The following CPNE8 variants were observed in gnomAD, a reference collection of about 807,000 sequenced individuals.
The protein encoded by CPNE8 is copine-8.
In CPNE8, 45 loss-of-function variants were observed where a neutral mutation model predicts 81.5. That is an observed-to-expected ratio of 0.55 (90% CI 0.44 to 0.71). The LOEUF is 0.71. CPNE8 is among the 30% of genes least tolerant of loss of function. The pLI is 0.00. For synonymous variants in CPNE8, 252 were observed against 226.3 expected (o/e 1.11, Z -1.02); for missense variants, 594 against 672.1 (o/e 0.88, Z 1.28).
chr12:38,675,822 T>G (rs1467209247), intron 17 of CPNE8, 48 bp from the exon 18 acceptor site: 1 of 1,232,810 alleles, frequency 8.1e-7, no homozygotes, highest in Non-Finnish European at 1.2e-6. Context: ...ATTGAGTTCT[T>G]AAGAAAATAA....
intron 4 of CPNE8, 52 bp from the exon 5 acceptor site, chr12:38,840,007 A>C: frequency 6.7e-7 from 1 of 1,491,692 alleles, no homozygotes; most frequent in Non-Finnish European, 9.1e-7. Flanking sequence ...TACAGCTAGA[A>C]AAAAAACCAG....
At chr12:38,709,451 T>C (rs1217358279) in intron 13 of CPNE8, among the ~76,000 whole-genome samples, 1 of 152,204 alleles carries the variant, frequency 6.6e-6, no homozygotes, top group Non-Finnish European at 1.5e-5. Context: ...GATGCACAAA[T>C]GCAAATTCAG....
chr12:38,872,126 ACT>A (rs1565656573), intron 3 of CPNE8, among the ~76,000 whole-genome samples: 1 of 151,994 alleles, frequency 6.6e-6, no homozygotes, highest in Non-Finnish European at 1.5e-5. Flanking sequence ...TAAGAGTGAA[ACT>A]CTGTCTCAAA....
At chr12:38,806,658 C>A (rs1408825849) in intron 6 of CPNE8, among the ~76,000 whole-genome samples, 2 of 141,502 alleles carry the variant, frequency 1.4e-5, no homozygotes, top group East Asian at 2.7e-4. Context: ...ACTGAATGGG[C>A]AAAAACTAGA....
At chr12:38,753,101 T>TG (rs1941385328) in intron 10 of CPNE8, among the ~76,000 whole-genome samples, 2 of 152,194 alleles carry the variant, frequency 1.3e-5, no homozygotes, top group African/African-American at 2.4e-5. Context: ...GGTAATTTCA[T>TG]AATTTAAAAT....
chr12:38,869,436 G>T (rs1048977902), intron 3 of CPNE8, among the ~76,000 whole-genome samples: 13 of 152,136 alleles, frequency 8.5e-5, no homozygotes, highest in Non-Finnish European at 1.9e-4. Flanking sequence ...TGTTACAAAT[G>T]AGGAAACAGA....
chr12:38,793,204 A>G (rs1280057196), intron 6 of CPNE8, among the ~76,000 whole-genome samples: 1 of 144,270 alleles, frequency 6.9e-6, no homozygotes, highest in Non-Finnish European at 1.5e-5. Flanking sequence ...ATTCAACATA[A>G]TACTGTATGT....
chr12:38,851,644 C>T (rs1943648186), intron 3 of CPNE8, among the ~76,000 whole-genome samples: 1 of 152,214 alleles, frequency 6.6e-6, no homozygotes, highest in South Asian at 2.1e-4. Flanking sequence ...TCCTAACTTA[C>T]ATTTCTGCTT....
intron 1 of CPNE8, among the ~76,000 whole-genome samples, chr12:38,884,370 C>T (rs1188996635): frequency 6.6e-6 from 1 of 152,172 alleles, no homozygotes; most frequent in African/African-American, 2.4e-5. Context: ...TAGTATCTGT[C>T]AGTACTTCAT....
chr12:38,781,947 T>A (rs941158222), intron 6 of CPNE8, among the ~76,000 whole-genome samples: 6 of 152,024 alleles, frequency 3.9e-5, no homozygotes, highest in Non-Finnish European at 7.4e-5. Flanking sequence ...TTGTAACATA[T>A]CAGATCAAAA....
intron 5 of CPNE8, among the ~76,000 whole-genome samples, chr12:38,831,179 A>G (rs1314362175): frequency 6.6e-6 from 1 of 152,118 alleles, no homozygotes; most frequent in Non-Finnish European, 1.5e-5. Context: ...GAACAGAGTT[A>G]CAGGCCAGAG....
At chr12:38,785,640 A>G (rs2136915609) in intron 6 of CPNE8, among the ~76,000 whole-genome samples, 1 of 152,296 alleles carries the variant, frequency 6.6e-6, no homozygotes, top group Middle Eastern at 3.4e-3. Context: ...GCCACGTGGA[A>G]CTATGAGTCA....
chr12:38,902,361 AAAGAAAG>A lies in CPNE8; in HGVS notation c.98+3069_98+3075del, dbSNP rs1372696969. Among the ~76,000 whole-genome samples, 143 of 91,298 alleles carry A rather than the reference AAAGAAAG, an allele frequency of 1.6e-3. 1 individual carries two copies. Among genetic ancestry groups the A allele is most frequent in the East Asian group, 6.3e-3 (20 of 3,164 alleles). 59.9% of individuals were successfully genotyped at this position (91,298 alleles called of 152,430 possible). ...GAAAGAAAGAAAGAAAGAAAGAAAG[AAAGAAAG>A]AAAGAAAGAAAGAAAAGAAAGAAAG... On this transcript the variant is annotated intron_variant, in intron 1 of 19. Transcript: ENST00000331366.
chr12:38,691,181 G>T (rs1476338088), intron 15 of CPNE8, among the ~76,000 whole-genome samples: 1 of 152,136 alleles, frequency 6.6e-6, no homozygotes, highest in Non-Finnish European at 1.5e-5. Context: ...ATAAGATGGG[G>T]TTTAGCTGTA....
chr12:38,858,080 A>G (rs909203813), intron 3 of CPNE8, among the ~76,000 whole-genome samples: 1 of 152,256 alleles, frequency 6.6e-6, no homozygotes, highest in African/African-American at 2.4e-5. Flanking sequence ...TGCCTTTCTC[A>G]AGAACATAGG....
At chr12:38,742,630 T>C (rs944062683) in intron 10 of CPNE8, among the ~76,000 whole-genome samples, 2 of 150,766 alleles carry the variant, frequency 1.3e-5, no homozygotes, top group Non-Finnish European at 3.0e-5. Context: ...TATAAATATA[T>C]AACAAACCTG....
At chr12:38,708,892 G>A (rs1194758960) in intron 13 of CPNE8, among the ~76,000 whole-genome samples, 3 of 152,156 alleles carry the variant, frequency 2.0e-5, no homozygotes, top group Non-Finnish European at 4.4e-5. Flanking sequence ...ATAGGGATGT[G>A]CAGAAGGCTT....
chr12:38,799,189 C>A (rs1040675435), intron 6 of CPNE8, among the ~76,000 whole-genome samples: 4 of 152,188 alleles, frequency 2.6e-5, no homozygotes, highest in African/African-American at 9.6e-5. Flanking sequence ...CATCTCTGCA[C>A]CAAGGGGACC....
chr12:38,799,474 A>G (rs1942598194), intron 6 of CPNE8, among the ~76,000 whole-genome samples: 1 of 152,218 alleles, frequency 6.6e-6, no homozygotes, highest in Admixed American at 6.5e-5. Flanking sequence ...TGAAGGCAGA[A>G]AAAAAGATAT....
Sources: allele counts gnomAD v4.1 joint callset (sites outside exome capture counted in the v4.1 genomes callset), GRCh38; gene constraint gnomAD v4.1.1; transcripts MANE v1.5; gene names NCBI Gene and HGNC (gene_info 2026-07-23, HGNC 2026-07-21).